Variants in ASB15 observed in about 807,000 individuals in gnomAD.
ASB15 encodes the protein ankyrin repeat and SOCS box containing 15, also known as ankyrin repeat and SOCS box protein 15.
Under a neutral mutation model 58.0 loss-of-function variants are expected in ASB15, and 54 were observed. That is an observed-to-expected ratio of 0.93 (90% CI 0.75 to 1.17). ASB15 has a LOEUF of 1.17. Among genes scored for constraint, ASB15 ranks in the 50% most tolerant of loss-of-function variants. The pLI is 0.00. For synonymous variants in ASB15, 249 were observed against 262.4 expected (o/e 0.95, Z 0.50); for missense variants, 680 against 707.4 (o/e 0.96, Z 0.44).
chr7:123,623,931 A>AAAG lies in ASB15; in HGVS notation c.452-636_452-635insGAA, dbSNP rs1491192964. On this transcript the variant is annotated intron_variant, in intron 7 of 11. Coordinates refer to ENST00000451215, the MANE Select transcript of ASB15 (RefSeq NM_001290258.2). The stretch of plus-strand genomic sequence containing the variant: ...GGAAGGAAGGAAGGAAGAAAGAAAG[A>AAAG]AAAGAAAGAAAGAAAGAAAGAAAGA... Among the ~76,000 whole-genome samples the AAAG allele has an allele frequency of 1.9e-3, 192 of 103,396 alleles. 6 individuals are homozygous for AAAG. Among genetic ancestry groups the AAAG allele is most frequent in the East Asian group, 3.5e-3 (12 of 3,444 alleles). The allele number at this position is 103,396 out of a possible 152,430, so 67.8% of individuals were successfully genotyped here.
chr7:123,625,560 G>A (rs1201602370), intron 8 of ASB15, among the ~76,000 whole-genome samples: 1 of 152,150 alleles, frequency 6.6e-6, no homozygotes, highest in African/African-American at 2.4e-5. Context: ...TTTGGGTCAG[G>A]TCCTTGCCTT....
rs964788871 is a variant in ASB15, at chr7:123,631,295, A to G, written c.1594+1176A>G. Among the ~76,000 whole-genome samples, 8 of 152,336 alleles carry G rather than the reference A, an allele frequency of 5.3e-5. No homozygotes were observed. The South Asian group carries it at 1.7e-3, about 32-fold the overall frequency. On this transcript the variant is annotated intron_variant, in intron 11 of 11. Transcript: ENST00000451215. ...TTGTGGGAATCTAAAGAAATAATGC[A>G]TATAAGGTGGTAGTGTCTAGAATAC... is the stretch of plus-strand genomic sequence containing the variant.
intron 3 of ASB15, among the ~76,000 whole-genome samples, chr7:123,610,376 A>G (rs1800372472): frequency 1.3e-5 from 2 of 152,256 alleles, no homozygotes; most frequent in South Asian, 2.1e-4. Context: ...CAAGCACTTG[A>G]TAATTTATGG....
At chr7:123,625,956 C>T (rs1584808350) in intron 8 of ASB15, among the ~76,000 whole-genome samples, 2 of 152,008 alleles carry the variant, frequency 1.3e-5, no homozygotes, top group South Asian at 2.1e-4. Flanking sequence ...TGGAGGTGCA[C>T]GGAAGTAAAC....
At chr7:123,629,480 T>C (rs1046957787) in intron 10 of ASB15, 46 bp downstream of exon 10, 18 of 1,394,824 alleles carry the variant, frequency 1.3e-5, no homozygotes, top group Non-Finnish European at 1.8e-5. Flanking sequence ...CATCCTAATT[T>C]AATACATGTT....
chr7:123,625,005 T>A (rs1801681083), intron 8 of ASB15, 191 bp downstream of exon 8: 1 of 639,838 alleles, frequency 1.6e-6, no homozygotes, highest in East Asian at 3.0e-5. Context: ...CTAAGCCCTA[T>A]ACATTGTGAC....
At chr7:123,622,878 G>A (rs1391914355) in intron 7 of ASB15, 1 of 152,118 alleles carries the variant, frequency 6.6e-6, no homozygotes. Flanking sequence ...GAGAAAAACG[G>A]GCATCTCCTG....
intron 1 of ASB15, among the ~76,000 whole-genome samples, chr7:123,581,231 G>A (rs1408043998): frequency 6.6e-6 from 1 of 151,644 alleles, no homozygotes; most frequent in African/African-American, 2.4e-5. Context: ...ATAGTAGAAG[G>A]GTATGGGAGA....
At chr7:123,631,994 C>A (rs1051929135) in intron 11 of ASB15, among the ~76,000 whole-genome samples, 6 of 151,982 alleles carry the variant, frequency 3.9e-5, no homozygotes, top group Non-Finnish European at 8.8e-5. Flanking sequence ...AGGAGAATGG[C>A]GTGAACCCGG....
At chr7:123,592,798 C>T (rs560003711) in intron 1 of ASB15, among the ~76,000 whole-genome samples, 30 of 147,910 alleles carry the variant, frequency 2.0e-4, no homozygotes, top group East Asian at 1.2e-3. Flanking sequence ...ATGTGCATTA[C>T]GTCTGAATTC....
At chr7:123,617,052 G>A (rs1223735243) in intron 6 of ASB15, among the ~76,000 whole-genome samples, 1 of 152,022 alleles carries the variant, frequency 6.6e-6, no homozygotes, top group Non-Finnish European at 1.5e-5. Context: ...GAACACTTTT[G>A]AGAGTGCCCT....
At chr7:123,601,438 G>T (rs1486469183), upstream of ASB15, among the ~76,000 whole-genome samples, 1 of 152,118 alleles carries the variant, frequency 6.6e-6, no homozygotes, top group Non-Finnish European at 1.5e-5. Context: ...AATGAAATTT[G>T]ACCTGAATCT....
chr7:123,614,797 C>T (rs1026628099), intron 4 of ASB15, among the ~76,000 whole-genome samples, 188 bp downstream of exon 4: 4 of 152,220 alleles, frequency 2.6e-5, no homozygotes, highest in African/African-American at 9.6e-5. Context: ...CACAAATCCT[C>T]ACCTCATGTG....
At chr7:123,626,472 CATAA>C (rs550822805) in intron 8 of ASB15, among the ~76,000 whole-genome samples, 5 of 151,964 alleles carry the variant, frequency 3.3e-5, no homozygotes, top group Admixed American at 6.6e-5. Context: ...ATTCTGTCAA[CATAA>C]ATAAATAAAT....
intron 1 of ASB15, among the ~76,000 whole-genome samples, chr7:123,587,735 T>C (rs1799415040): frequency 6.6e-6 from 1 of 151,816 alleles, no homozygotes; most frequent in African/African-American, 2.4e-5. Flanking sequence ...GCTGAGAGTT[T>C]TTAATATCAA....
rs779078385 is a variant in ASB15 at position 123,630,350 on chromosome 7, G to A, written c.1594+231G>A. On this transcript the variant is annotated intron_variant, in intron 11 of 11. Transcript: ENST00000451215. ...TGAGTAATACTACAGCTATATTAACGTTCTGATTACAATTCATTTTAAAAA... is the reference window on the plus strand; with the variant it reads ...TGAGTAATACTACAGCTATATTAACATTCTGATTACAATTCATTTTAAAAA... Among the ~76,000 whole-genome samples, 4 of 152,032 alleles carry A rather than the reference G, an allele frequency of 2.6e-5. No individual in the cohort carries two copies. In the South Asian group the frequency reaches 8.3e-4, roughly 32 times the overall value.
intron 1 of ASB15, among the ~76,000 whole-genome samples, chr7:123,573,702 C>A (rs1798980613): frequency 2.0e-5 from 3 of 152,118 alleles, no homozygotes; most frequent in Admixed American, 6.6e-5. Context: ...CTTCTGTATC[C>A]TTCCAGGAGT....
chr7:123,624,411 T>A, intron 7 of ASB15, 158 bp from the exon 8 acceptor site: 1 of 671,434 alleles, frequency 1.5e-6, no homozygotes, highest in South Asian at 2.0e-5. Flanking sequence ...AACTTGGGTA[T>A]GAGAAACAGA....
intron 1 of ASB15, among the ~76,000 whole-genome samples, chr7:123,583,775 GA>G (rs1799301334): frequency 6.6e-6 from 1 of 151,846 alleles, no homozygotes; most frequent in African/African-American, 2.4e-5. Context: ...ATAATATACT[GA>G]GAAGCAAAGT....
Sources: gnomAD v4.1 joint callset for allele counts (sites outside exome capture counted in the v4.1 genomes callset) on GRCh38, gnomAD v4.1.1 for gene constraint, MANE v1.5 for transcripts, NCBI Gene and HGNC (gene_info 2026-07-23, HGNC 2026-07-21) for gene names.